The following OGA variants were observed in gnomAD, a reference collection of about 807,000 sequenced individuals.
OGA encodes protein O-GlcNAcase.
Under a neutral mutation model 102.0 loss-of-function variants are expected in OGA, and 21 were observed. The observed-to-expected ratio is 0.21, with a 90% CI of 0.15 to 0.30. The LOEUF is 0.30. Ranked by LOEUF, OGA falls within the 10% of genes least tolerant of loss-of-function variation. The probability of loss-of-function intolerance (pLI) is 1.00; values close to 1 mark genes in which losing one functional copy is unlikely to be tolerated. For synonymous variants in OGA, 408 were observed against 378.2 expected (o/e 1.08, Z -0.91); for missense variants, 765 against 1,107.8 (o/e 0.69, Z 4.39).
chr10:101,800,752 C>T (rs955002971), intron 7 of OGA, among the ~76,000 whole-genome samples: 1 of 149,768 alleles, frequency 6.7e-6, no homozygotes, highest in Non-Finnish European at 1.5e-5. Flanking sequence ...ATTGCATAGC[C>T]TTCAGGGCCT....
intron 7 of OGA, among the ~76,000 whole-genome samples, chr10:101,802,018 GCCAGTAATC>G (rs1564645426): frequency 6.6e-6 from 1 of 152,060 alleles, no homozygotes; most frequent in Admixed American, 6.5e-5. Flanking sequence ...GGTGGTGTGC[GCCAGTAATC>G]CCAGCTACTC....
At chr10:101,801,319 G>C (rs1271597132) in intron 7 of OGA, among the ~76,000 whole-genome samples, 1 of 151,498 alleles carries the variant, frequency 6.6e-6, no homozygotes, top group Non-Finnish European at 1.5e-5. Context: ...TTGAACCCAG[G>C]TGTCAAAGGT....
chr10:101,814,607 T>C (rs2065598666), intron 1 of OGA, among the ~76,000 whole-genome samples: 1 of 152,074 alleles, frequency 6.6e-6, no homozygotes, highest in South Asian at 2.1e-4. Flanking sequence ...AAGTTCCACA[T>C]ACAATGATAT....
intron 4 of OGA, among the ~76,000 whole-genome samples, chr10:101,809,705 CAAA>C (rs373690932): frequency 1.0e-4 from 6 of 59,104 alleles, no homozygotes; most frequent in Admixed American, 1.9e-4. Context: ...GACTCTGTCT[CAAA>C]AAAAAAAAAA....
intron 10 of OGA, chr10:101,795,877 T>C: frequency 1.0e-6 from 1 of 974,810 alleles, no homozygotes; most frequent in Non-Finnish European, 1.2e-6. Context: ...AGCCACAGGC[T>C]GGACAAGCTT....
intron 7 of OGA, 25 bp downstream of exon 7, chr10:101,803,710 G>A (rs766354555): frequency 6.3e-7 from 1 of 1,594,234 alleles, no homozygotes; most frequent in South Asian, 1.1e-5. Context: ...CTCCCAAGGT[G>A]AAAGATCAAG....
At chr10:101,792,693 G>T in intron 12 of OGA, 146 bp downstream of exon 12, 1 of 596,312 alleles carries the variant, frequency 1.7e-6, no homozygotes, top group South Asian at 2.5e-5. Context: ...AATTTCTCAA[G>T]ATACACTGAA....
chr10:101,814,862 C>A (rs1206214995), intron 1 of OGA, among the ~76,000 whole-genome samples: 2 of 152,182 alleles, frequency 1.3e-5, no homozygotes, highest in African/African-American at 4.8e-5. Context: ...AAAACAAACT[C>A]GCAGACCGAT....
intron 7 of OGA, among the ~76,000 whole-genome samples, chr10:101,802,978 TAAAAAAAAAAAAA>T (rs764237378): frequency 4.4e-5 from 3 of 68,578 alleles, no homozygotes; most frequent in South Asian, 5.0e-4. Context: ...GTCTCTACTT[TAAAAAAAAAAAAA>T]AAAAAAAAAA....
intron 1 of OGA, among the ~76,000 whole-genome samples, chr10:101,816,823 G>A (rs925655385): frequency 7.2e-5 from 11 of 152,006 alleles, no homozygotes; most frequent in Admixed American, 7.2e-4. Flanking sequence ...AAAAAAAACA[G>A]AAAAGCTGAT....
At chr10:101,808,302 T>A (rs969589867) in intron 4 of OGA, among the ~76,000 whole-genome samples, 3 of 152,234 alleles carry the variant, frequency 2.0e-5, no homozygotes, top group African/African-American at 7.2e-5. Flanking sequence ...ACATTTCAGA[T>A]TTCTGAATTA....
intron 1 of OGA, among the ~76,000 whole-genome samples, chr10:101,815,032 TGAA>T (rs569813517): frequency 3.3e-5 from 5 of 152,298 alleles, no homozygotes; most frequent in Admixed American, 1.3e-4. Flanking sequence ...AAGAGTACCA[TGAA>T]GAAGGTTAAT....
intron 14 of OGA, among the ~76,000 whole-genome samples, chr10:101,788,265 C>G (rs2065215193): frequency 6.6e-6 from 1 of 151,150 alleles, no homozygotes; most frequent in Admixed American, 6.6e-5. Context: ...AAGTAAAACC[C>G]TGTCTCTACT....
chr10:101,798,103 C>T lies in OGA; in HGVS notation c.1861G>A (p.Val621Met). ...GAGAGCCGAGTGAACATTCCCATCA[C>T]TAGTCCACACATCTCTTCAAACTTG... Reference protein sequence around the residue: ...AAKFEEMCGLVMGMFTRLSNC... With the variant: ...AAKFEEMCGLMMGMFTRLSNC... Residue 621 changes from valine (V) to methionine (M), a missense_variant, in exon 10 of 16, where the codon GTG becomes ATG. By Grantham distance (21) the Val-to-Met change is conservative. Coordinates refer to ENST00000361464, the MANE Select transcript of OGA (RefSeq NM_012215.5). 1 of 1,614,148 alleles carries T rather than the reference C, an allele frequency of 6.2e-7. No homozygotes were observed. Among genetic ancestry groups the T allele is most frequent in the South Asian group, 1.1e-5 (1 of 91,084 alleles).
rs750826009 is a variant in OGA, at chr10:101,817,878, C to T, written c.145G>A (p.Ala49Thr). ...EDNPAGAGGA[A>T]VAGAAGGARR... ...GCCCCTCCTGCAGCCCCGGCCACCGCCGCTCCCCCAGCCCCGGCGGGGTTG... is the reference window on the plus strand; with the variant it reads ...GCCCCTCCTGCAGCCCCGGCCACCGTCGCTCCCCCAGCCCCGGCGGGGTTG... Residue 49 changes from alanine to threonine, a missense_variant, in exon 1 of 16, where the codon GCG (alanine) becomes ACG (threonine). Coordinates refer to ENST00000361464, the MANE Select transcript of OGA (RefSeq NM_012215.5). 6.4e-7 allele frequency: 1 copy of T among 1,552,744 alleles called. No individual in the cohort carries two copies.
chr10:101,791,479 T>G, intron 12 of OGA, 40 bp from the exon 13 acceptor site: 1 of 1,540,024 alleles, frequency 6.5e-7, no homozygotes, highest in African/African-American at 1.4e-5. Flanking sequence ...TCAAGAAAAA[T>G]GGCAGCAGAA....
rs765840267 is a variant in OGA at position 101,799,105 on chromosome 10, T to C, written c.1546A>G (p.Met516Val). 1 of 1,614,144 alleles carries C rather than the reference T, an allele frequency of 6.2e-7. No individual in the cohort carries two copies. Among genetic ancestry groups the C allele is most frequent in the Non-Finnish European group, 8.5e-7 (1 of 1,180,046 alleles). The change falls in exon 9 of 16, where the codon ATG becomes GTG. Residue 516 changes from methionine to valine, a missense_variant. Around this residue, in one of 7 missense-constraint regions of OGA, gnomAD observed 281 missense variants for 345.8 expected, o/e 0.81. Transcript: ENST00000361464. ...IAESKSPEMS[M>V]QEDCISDIAP... is the part of the protein sequence containing the mutation. The stretch of plus-strand genomic sequence containing the variant: ...ATGTCACTAATACAATCTTCTTGCA[T>C]GGACATCTCTGGGGATTTTGATTCA...
Position 101,791,188 on chromosome 10 carries a change from A to C in OGA, c.2262-100T>G, listed in dbSNP as rs1451687165. The C allele has an allele frequency of 4.5e-6, 6 of 1,329,564 alleles. No homozygotes were observed. In the African/African-American group the frequency reaches 8.9e-5, roughly 20 times the overall value. 82.4% of individuals were successfully genotyped at this position (1,329,564 alleles called of 1,614,324 possible). A position where few individuals can be genotyped will look rare whatever the true frequency, so the allele number is the denominator to read the frequency against. On this transcript the variant is annotated intron_variant, in intron 13 of 15. Coordinates refer to ENST00000361464, the MANE Select transcript of OGA (RefSeq NM_012215.5). ...CCACTGTACTTGCATGAACTTACGG[A>C]ACCTACATTTGGTGTAAGAAACTAG...
At chr10:101,806,023 G>C (rs1439231117) in intron 6 of OGA, 22 bp downstream of exon 6, 1 of 1,490,978 alleles carries the variant, frequency 6.7e-7, no homozygotes, top group Non-Finnish European at 9.4e-7. Flanking sequence ...AACTTTGACT[G>C]TATAAATCTT....
Sources: allele counts gnomAD v4.1 joint callset (sites outside exome capture counted in the v4.1 genomes callset), GRCh38; gene constraint gnomAD v4.1.1; regional missense constraint gnomAD v4.1.1; transcripts MANE v1.5; gene names NCBI Gene and HGNC (gene_info 2026-07-23, HGNC 2026-07-21).